Variants in CARD14 observed in about 807,000 individuals in gnomAD.
The protein encoded by CARD14 is caspase recruitment domain family member 14, also known as caspase recruitment domain-containing protein 14.
In CARD14, 107 loss-of-function variants were observed where a neutral mutation model predicts 111.5. The ratio of observed to expected loss-of-function variants is 0.96; its 90% CI spans 0.82 to 1.13. The LOEUF (loss-of-function observed/expected upper bound fraction) is 1.13. Among genes scored for constraint, CARD14 ranks in the 50% most tolerant of loss-of-function variants. The probability of loss-of-function intolerance (pLI) is 0.00; values close to 1 mark genes in which losing one functional copy is unlikely to be tolerated. For synonymous variants in CARD14, 617 were observed against 579.6 expected, an observed-to-expected ratio of 1.06 and a Z score of -0.93; for missense variants, 1,322 against 1,362.3, an observed-to-expected ratio of 0.97 and a Z score of 0.47.
chr17:80,207,457 A>G (rs188624701), intron 23 of CARD14: 38 of 174,240 alleles, frequency 2.2e-4, no homozygotes, highest in Non-Finnish European at 3.8e-4. Flanking sequence ...AGGCTGAGAC[A>G]TGATAATTAC....
intron 2 of CARD14, among the ~76,000 whole-genome samples, chr17:80,176,439 CAAAAAA>C (rs11290027): frequency 2.1e-5 from 2 of 96,852 alleles, no homozygotes; most frequent in Non-Finnish European, 2.1e-5. Context: ...GACCTTGTCT[CAAAAAA>C]AAAAAAAAAA....
In CARD14 at chr17:80,203,734, T is replaced by C; in HGVS notation, c.2220-88T>C. On this transcript the variant is annotated intron_variant, in intron 18 of 23. Transcript: ENST00000648509. This position sits in a 1 kb window ranked among gnomAD's most constrained non-coding sequence, Gnocchi z 4.6. ...GAGGCCCTTCTCTCCCACCCGGCCA[T>C]CTCCCCCACTCTCCCCTGCTCGGCT... is the stretch of plus-strand genomic sequence containing the variant. The C allele has an allele frequency of 3.1e-6, 3 of 968,616 alleles. No individual in the cohort carries two copies. Among genetic ancestry groups the C allele is most frequent in the Non-Finnish European group, 4.7e-6 (3 of 638,810 alleles). The allele number at this position is 968,616 out of a possible 1,614,324, so 60.0% of individuals were successfully genotyped here.
rs771956573 is a variant in CARD14, at chr17:80,182,743, C to A, written c.302C>A (p.Thr101Asn). Reference protein sequence around the residue: ...SLKFHNPDVYTLVTGLQPDVD... With the variant: ...SLKFHNPDVYNLVTGLQPDVD... Reference sequence around the variant, plus strand: ...AAGTTCCACAACCCTGACGTCTACACCCTGGTCACCGGGCTGCAGCCTGAT... The same window carrying A: ...AAGTTCCACAACCCTGACGTCTACAACCTGGTCACCGGGCTGCAGCCTGAT... The change falls in exon 6 of 24, where the codon ACC becomes AAC. Residue 101 changes from threonine to asparagine, a missense_variant. Transcript: ENST00000648509. This position sits in a 1 kb window ranked among gnomAD's most constrained non-coding sequence, Gnocchi z 4.7. 5 of 1,614,190 alleles carry A rather than the reference C, an allele frequency of 3.1e-6. No individual in the cohort carries two copies. The highest frequency in any genetic ancestry group is 4.2e-6 in the Non-Finnish European group (5 of 1,180,026).
rs545238098 is a variant in CARD14 at position 80,208,355 on chromosome 17, C to T, written c.*10C>T. ...GCAGAGCCCCCGATGATGCACCGTG[C>T]CCCTTCCCGGGACTGTGGGGGCTTC... is the stretch of plus-strand genomic sequence containing the variant. On this transcript the variant is annotated 3_prime_UTR_variant, in exon 24 of 24. Coordinates refer to ENST00000648509, the MANE Select transcript of CARD14 (RefSeq NM_001366385.1). 5 of 1,579,764 alleles carry T rather than the reference C, an allele frequency of 3.2e-6. No homozygotes were observed. Among genetic ancestry groups the T allele is most frequent in the Non-Finnish European group, 4.3e-6 (5 of 1,160,942 alleles).
chr17:80,186,722 G>A (rs112271137), intron 7 of CARD14, among the ~76,000 whole-genome samples: 1,878 of 152,074 alleles, frequency 0.012, 33 homozygotes, highest in African/African-American at 0.043. Flanking sequence ...CTAATTTTTC[G>A]TATTTTTAGT....
At position 80,195,534 on chromosome 17, in the gene CARD14, C is replaced by G. The variant is rs761404555; in HGVS notation, c.1500-24C>G. Reference sequence around the variant, plus strand: ...GAGGGAGCAGGTGATGCAGTTTGAGCCTGCTGCTGCTTATGCTTTGCAGCA... The same window carrying G: ...GAGGGAGCAGGTGATGCAGTTTGAGGCTGCTGCTGCTTATGCTTTGCAGCA... On this transcript the variant is annotated intron_variant, in intron 13 of 23. Transcript: ENST00000648509. This position sits in a 1 kb window ranked among gnomAD's most constrained non-coding sequence, Gnocchi z 4.7. The G allele has an allele frequency of 1.7e-5, 27 of 1,597,930 alleles. No individual in the cohort carries two copies. The highest frequency in any genetic ancestry group is 2.0e-5 in the Non-Finnish European group (24 of 1,172,624).
rs776856066 is a variant in CARD14, at chr17:80,203,516, T to C, written c.2220-306T>C. On this transcript the variant is annotated intron_variant, in intron 18 of 23. Transcript: ENST00000648509. This position sits in a 1 kb window ranked among gnomAD's most constrained non-coding sequence, Gnocchi z 4.6. Reference sequence around the variant, plus strand: ...GCAGGCCAGGGACCCACCATGAATATTGAGGTCCTGGAGTGGGGCCCTGTA... The same window carrying C: ...GCAGGCCAGGGACCCACCATGAATACTGAGGTCCTGGAGTGGGGCCCTGTA... 17 of 307,380 alleles carry C rather than the reference T, an allele frequency of 5.5e-5. No individual in the cohort carries two copies. The highest frequency in any genetic ancestry group is 8.4e-5 in the Non-Finnish European group (14 of 166,830). 19.0% of individuals were successfully genotyped at this position (307,380 alleles called of 1,614,324 possible).
intron 22 of CARD14, among the ~76,000 whole-genome samples, chr17:80,206,504 G>A (rs904136333): frequency 6.6e-6 from 1 of 152,194 alleles, no homozygotes; most frequent in Non-Finnish European, 1.5e-5. Context: ...GGTGGCTCAC[G>A]CCTCTAATCC....
intron 14 of CARD14, among the ~76,000 whole-genome samples, 154 bp from the exon 15 acceptor site, chr17:80,197,945 G>T (rs985633675): frequency 3.2e-4 from 49 of 152,040 alleles, no homozygotes; most frequent in African/African-American, 1.2e-3. Flanking sequence ...GAGGCTGAGG[G>T]AGAAGGGGCT....
chr17:80,207,013 C>T lies in CARD14; in HGVS notation c.2735C>T (p.Thr912Ile), dbSNP rs201965466. 3 of 1,614,048 alleles carry T rather than the reference C, an allele frequency of 1.9e-6. No individual in the cohort carries two copies. The highest frequency in any genetic ancestry group is 8.5e-7 in the Non-Finnish European group (1 of 1,179,954). The change falls in exon 23 of 24, where the codon ACC becomes ATC. Residue 912 changes from threonine to isoleucine, a missense_variant. Physicochemically the swap from Thr to Ile is moderately conservative, Grantham distance 89 (BLOSUM62 -1). Transcript: ENST00000648509. ...LLDVQLDSVC[T>I]LHRMDIFPIV... ...GACGTCCAGCTGGACAGTGTCTGCACCCTGCACAGGATGGACATCTTCCCC... is the reference window on the plus strand; with the variant it reads ...GACGTCCAGCTGGACAGTGTCTGCATCCTGCACAGGATGGACATCTTCCCC...
At chr17:80,187,904 C>T in intron 7 of CARD14, 9 of 985,778 alleles carry the variant, frequency 9.1e-6, no homozygotes, top group Non-Finnish European at 1.1e-5. Flanking sequence ...GTCTGAACAG[C>T]CCCGGTCCCG....
At chr17:80,183,569 C>T (rs1241355336) in intron 6 of CARD14, among the ~76,000 whole-genome samples, 1 of 152,118 alleles carries the variant, frequency 6.6e-6, no homozygotes, top group African/African-American at 2.4e-5. Flanking sequence ...TCGGGAGTCA[C>T]GCTGTTTATT....
Position 80,198,338 on chromosome 17 carries a change from G to A in CARD14, c.1659-61G>A. The A allele has an allele frequency of 6.4e-7, 1 of 1,561,392 alleles. No homozygotes were observed. Among genetic ancestry groups the A allele is most frequent in the Non-Finnish European group, 8.7e-7 (1 of 1,150,686 alleles). On this transcript the variant is annotated intron_variant, in intron 15 of 23. Coordinates refer to ENST00000648509, the MANE Select transcript of CARD14 (RefSeq NM_001366385.1). The surrounding 1 kb of genome is among the most constrained non-coding windows in gnomAD (Gnocchi z 7.5). Reference sequence around the variant, plus strand: ...GGGGCCAGAGGGAAGCAATGGGGAGGTGGCCTTGCCGGCTCTCCTGCTCTG... The same window carrying A: ...GGGGCCAGAGGGAAGCAATGGGGAGATGGCCTTGCCGGCTCTCCTGCTCTG...
chr17:80,204,583 C>T, intron 20 of CARD14: 1 of 424,254 alleles, frequency 2.4e-6, no homozygotes, highest in Non-Finnish European at 4.3e-6. Flanking sequence ...GAGATGGTGC[C>T]ATTGCACTCC....
rs1177166124 is a variant in CARD14, at chr17:80,189,236, A to AG, written c.844-511dup. Among the ~76,000 whole-genome samples the AG allele has an allele frequency of 1.3e-5, 2 of 152,226 alleles. No individual in the cohort carries two copies. The highest frequency in any genetic ancestry group is 2.1e-4 in the South Asian group (1 of 4,820). On this transcript the variant is annotated intron_variant, in intron 8 of 23. Transcript: ENST00000648509. The surrounding 1 kb of genome is among the most constrained non-coding windows in gnomAD (Gnocchi z 4.7). ...TCTGGGCCTCAGGTGCACTGGAGAGAGGGGGGCTCTGAAGTGGAGCAGTGA... is the reference window on the plus strand; with the variant it reads ...TCTGGGCCTCAGGTGCACTGGAGAGAGGGGGGGCTCTGAAGTGGAGCAGTGA...
rs949671749 is a variant in CARD14 at position 80,182,875 on chromosome 17, G to A, written c.349+85G>A. 7 of 1,525,158 alleles carry A rather than the reference G, an allele frequency of 4.6e-6. No individual in the cohort carries two copies. Among genetic ancestry groups the A allele is most frequent in the East Asian group, 2.3e-5 (1 of 44,208 alleles). The allele number at this position is 1,525,158 out of a possible 1,614,324, so 94.5% of individuals were successfully genotyped here. A position where few individuals can be genotyped will look rare whatever the true frequency, so the allele number is the denominator to read the frequency against. On this transcript the variant is annotated intron_variant, in intron 6 of 23. Coordinates refer to ENST00000648509, the MANE Select transcript of CARD14 (RefSeq NM_001366385.1). This position sits in a 1 kb window ranked among gnomAD's most constrained non-coding sequence, Gnocchi z 4.7. ...ACCCCAGGTGCCCCGCTTACTTGCC[G>A]ATTTGCCCTACTCCCCCTTCCCTCC... is the stretch of plus-strand genomic sequence containing the variant.
intron 22 of CARD14, 183 bp from the exon 23 acceptor site, chr17:80,206,787 T>TG (rs1281593162): frequency 2.4e-6 from 1 of 414,822 alleles, no homozygotes; most frequent in East Asian, 3.7e-5. Flanking sequence ...AAAATAAAAA[T>TG]AAAAAAAAGA....
intron 7 of CARD14, among the ~76,000 whole-genome samples, chr17:80,187,600 A>G (rs2040385738): frequency 6.6e-6 from 1 of 152,216 alleles, no homozygotes; most frequent in African/African-American, 2.4e-5. Flanking sequence ...ACAATGTGCT[A>G]ACCGGGTGTC....
intron 7 of CARD14, chr17:80,187,720 C>T: frequency 1.0e-6 from 1 of 982,986 alleles, no homozygotes; most frequent in Non-Finnish European, 1.2e-6. Context: ...GGGGAAAGTC[C>T]TGCCTCCCCA....
Sources: allele counts gnomAD v4.1 joint callset (sites outside exome capture counted in the v4.1 genomes callset), GRCh38; gene constraint gnomAD v4.1.1; non-coding constraint Gnocchi (gnomAD v3.1); transcripts MANE v1.5; gene names NCBI Gene and HGNC (gene_info 2026-07-23, HGNC 2026-07-21).